FAM171A2: variants seen among roughly 807,000 people sequenced by gnomAD.
The protein encoded by FAM171A2 is family with sequence similarity 171 member A2.
A neutral mutation model predicts 34.2 loss-of-function variants in FAM171A2; 13 were observed. That is an observed-to-expected ratio of 0.38 (90% CI 0.25 to 0.60). The LOEUF is 0.60. Among genes scored for constraint, FAM171A2 ranks in the 20% least tolerant of loss-of-function variants. The pLI, the probability that FAM171A2 is intolerant of heterozygous loss-of-function variation, is 0.62. For missense variants in FAM171A2, 950 were observed against 1,180.7 expected (o/e 0.80, Z 2.86); for synonymous variants, 475 against 561.2 (o/e 0.85, Z 2.17).
rs2048403355 is a variant in FAM171A2 at position 44,353,771 on chromosome 17, G to A, written c.2443C>T (p.Arg815Trp). ...AGDKKSPWQR[R>W]EERPLMVFNV... is the part of the protein sequence containing the mutation. ...AACACCATCAGCGGCCGCTCCTCCCGCCGCTGCCACGGGCTCTTCTTGTCT... is the reference window on the plus strand; with the variant it reads ...AACACCATCAGCGGCCGCTCCTCCCACCGCTGCCACGGGCTCTTCTTGTCT... The change falls in exon 8 of 8, where the codon CGG becomes TGG. Residue 815 changes from arginine (R) to tryptophan (W), a missense_variant. Transcript: ENST00000293443. 1.4e-6 allele frequency: 2 copies of A among 1,434,910 alleles called. No individual in the cohort carries two copies. Among genetic ancestry groups the A allele is most frequent in the Admixed American group, 2.5e-5 (1 of 39,530 alleles). 88.9% of individuals were successfully genotyped at this position (1,434,910 alleles called of 1,614,324 possible).
intron 4 of FAM171A2, 29 bp from the exon 5 acceptor site, chr17:44,356,381 C>T (rs958249460): frequency 6.5e-7 from 1 of 1,545,986 alleles, no homozygotes; most frequent in African/African-American, 1.4e-5. Context: ...GGGCTGAGGG[C>T]TGATCCTGAG....
In FAM171A2 at chr17:44,354,481, T is replaced by G; in HGVS notation, c.1733A>C (p.Gln578Pro). The change falls in exon 8 of 8, where the codon CAG (glutamine) becomes CCG (proline). Residue 578 changes from glutamine to proline, a missense_variant. Transcript: ENST00000293443. This position sits in a 1 kb window ranked among gnomAD's most constrained non-coding sequence, Gnocchi z 5.8. Reference protein sequence around the residue: ...TAPGPARAFPQPDPQRPQMPG... With the variant: ...TAPGPARAFPPPDPQRPQMPG... ...CATCTGCGGGCGCTGGGGGTCGGGC[T>G]GGGGAAAAGCGCGCGCCGGGCCGGG... The G allele has an allele frequency of 9.3e-7, 1 of 1,078,062 alleles. No individual in the cohort carries two copies. The highest frequency in any genetic ancestry group is 1.1e-6 in the Non-Finnish European group (1 of 890,200). The allele number at this position is 1,078,062 out of a possible 1,614,324, so 66.8% of individuals were successfully genotyped here. A position where few individuals can be genotyped will look rare whatever the true frequency, so the allele number is the denominator to read the frequency against.
At chr17:44,362,977 A>G (rs1379327846) in intron 1 of FAM171A2, among the ~76,000 whole-genome samples, 1 of 152,108 alleles carries the variant, frequency 6.6e-6, no homozygotes, top group Non-Finnish European at 1.5e-5. Context: ...CTCGTCCTCC[A>G]TCATAGGCTC....
At position 44,355,403 on chromosome 17, in the gene FAM171A2, C is replaced by T. The variant is rs1192509903; in HGVS notation, c.1023-212G>A. ...ACTCCTCTGCATGTAGGATGTGCTG[C>T]GAGAACCAGGGATGAGCATCTAAGC... is the stretch of plus-strand genomic sequence containing the variant. On this transcript the variant is annotated intron_variant, in intron 7 of 7. Coordinates refer to ENST00000293443, the MANE Select transcript of FAM171A2 (RefSeq NM_198475.3). The surrounding 1 kb of genome is among the most constrained non-coding windows in gnomAD (Gnocchi z 4.1). 1.3e-5 allele frequency among the ~76,000 whole-genome samples: 2 copies of T among 152,214 alleles called. No homozygotes were observed. Among genetic ancestry groups the T allele is most frequent in the Non-Finnish European group, 2.9e-5 (2 of 68,042 alleles).
rs896339771 is a variant in FAM171A2, at chr17:44,354,723, G to A, written c.1491C>T (p.Asp497=). 6 of 1,331,606 alleles carry A rather than the reference G, an allele frequency of 4.5e-6. No individual in the cohort carries two copies. The highest frequency in any genetic ancestry group is 5.8e-6 in the Non-Finnish European group (6 of 1,039,290). The allele number at this position is 1,331,606 out of a possible 1,614,324, so 82.5% of individuals were successfully genotyped here. The stretch of plus-strand genomic sequence containing the variant: ...GGTCCACCGACTGCGACAGCAGGAA[G>A]TCGGGGGTCTTGCCCTCGGCCGCCC... ...HKGAAEGKTP[D]FLLSQSVDQL... Residue 497 remains aspartate (D), a synonymous_variant, in exon 8 of 8, where the codon GAC becomes GAT. Transcript: ENST00000293443. This position sits in a 1 kb window ranked among gnomAD's most constrained non-coding sequence, Gnocchi z 5.8.
intron 3 of FAM171A2, chr17:44,359,291 AGGTGGCAGGG>A: frequency 2.4e-6 from 1 of 424,478 alleles, no homozygotes; most frequent in Non-Finnish European, 4.4e-6. Context: ...TTGAAGATAA[AGGTGGCAGGG>A]AAGGTAGGAA....
Position 44,354,772 on chromosome 17 carries a change from AAGGGCGGCGGCGGCG to A in FAM171A2, c.1427_1441del (p.Ser476_Pro480del). ...CCCCTTGTGGCCCAGGTAGTGGTCG[AAGGGCGGCGGCGGCG>A]AGGGCGGCTCGTGCAGGAAGGCCGC... On this transcript the variant is annotated inframe_deletion, in exon 8 of 8. Transcript: ENST00000293443. This position sits in a 1 kb window ranked among gnomAD's most constrained non-coding sequence, Gnocchi z 5.8. 2 of 1,303,498 alleles carry A rather than the reference AAGGGCGGCGGCGGCG, an allele frequency of 1.5e-6. No individual in the cohort carries two copies. Among genetic ancestry groups the A allele is most frequent in the Non-Finnish European group, 1.9e-6 (2 of 1,025,710 alleles). 80.7% of individuals were successfully genotyped at this position (1,303,498 alleles called of 1,614,324 possible).
intron 1 of FAM171A2, among the ~76,000 whole-genome samples, chr17:44,362,420 G>A (rs2048451670): frequency 6.6e-6 from 1 of 152,142 alleles, no homozygotes; most frequent in Non-Finnish European, 1.5e-5. Context: ...CAGTCCAGGA[G>A]GAAATCCGAC....
In FAM171A2 at chr17:44,354,652, A is replaced by G; in HGVS notation, c.1562T>C (p.Phe521Ser). The G allele has an allele frequency of 7.7e-7, 1 of 1,303,364 alleles. No homozygotes were observed. Among genetic ancestry groups the G allele is most frequent in the Non-Finnish European group, 9.8e-7 (1 of 1,025,030 alleles). 80.7% of individuals were successfully genotyped at this position (1,303,364 alleles called of 1,614,324 possible). A position where few individuals can be genotyped will look rare whatever the true frequency, so the allele number is the denominator to read the frequency against. ...CTTGAGGTGGTCGATGGAGCCGCAG[A>G]AGATGAGCTGCCCCGCCTGGCCCAG... ...PSLGQAGQLI[F>S]CGSIDHLKDN... The change falls in exon 8 of 8, where the codon TTC becomes TCC. Residue 521 changes from phenylalanine to serine, a missense_variant. Phe to Ser is a radical substitution (Grantham distance 155). Transcript: ENST00000293443. This position sits in a 1 kb window ranked among gnomAD's most constrained non-coding sequence, Gnocchi z 5.8.
Position 44,354,250 on chromosome 17 carries a change from A to G in FAM171A2, c.1964T>C (p.Phe655Ser). The G allele has an allele frequency of 6.9e-7, 1 of 1,454,552 alleles. No individual in the cohort carries two copies. Among genetic ancestry groups the G allele is most frequent in the East Asian group, 2.9e-5 (1 of 34,186 alleles). The allele number at this position is 1,454,552 out of a possible 1,614,324, so 90.1% of individuals were successfully genotyped here. Residue 655 changes from phenylalanine (F) to serine (S), a missense_variant, in exon 8 of 8, where the codon TTC (phenylalanine) becomes TCC (serine). Transcript: ENST00000293443. This position sits in a 1 kb window ranked among gnomAD's most constrained non-coding sequence, Gnocchi z 5.8. ...GTTGGAGCGCCCGTCGAGGGACACG[A>G]ACCAGGCGCGCGGGTGCGGCTTCAC... Reference protein sequence around the residue: ...LGVKPHPRAWFVSLDGRSNSQ... With the variant: ...LGVKPHPRAWSVSLDGRSNSQ...
At chr17:44,361,158 C>T (rs1160476589) in intron 1 of FAM171A2, among the ~76,000 whole-genome samples, 1 of 152,246 alleles carries the variant, frequency 6.6e-6, no homozygotes, top group Non-Finnish European at 1.5e-5. Flanking sequence ...GGCCATCAGG[C>T]AGGCGTCCTG....
rs200661205 is a variant in FAM171A2 at position 44,360,078 on chromosome 17, C to G, written c.173G>C (p.Arg58Pro). Residue 58 changes from arginine to proline, a missense_variant, in exon 2 of 8, where the codon CGG becomes CCG. Physicochemically the swap from Arg to Pro is moderately radical, Grantham distance 103. This residue lies in a region of FAM171A2 where 752 missense variants were observed against 924.5 expected (regional missense o/e 0.81). Coordinates refer to ENST00000293443, the MANE Select transcript of FAM171A2 (RefSeq NM_198475.3). ...YVSGELVPLA[R>P]ASVDVFGNRT... ...GTTCCCAAACACATCCACTGAGGCC[C>G]GGGCCAGGGGCACCAGCTCCCCGCT... 1 of 1,551,714 alleles carries G rather than the reference C, an allele frequency of 6.4e-7. No homozygotes were observed. Among genetic ancestry groups the G allele is most frequent in the Admixed American group, 2.0e-5 (1 of 51,006 alleles).
rs2048410576 is a variant in FAM171A2, at chr17:44,354,511, G to C, written c.1703C>G (p.Thr568Arg). 5.3e-6 allele frequency: 6 copies of C among 1,123,468 alleles called. No homozygotes were observed. In the South Asian group the frequency reaches 2.6e-4, roughly 48 times the overall value. 69.6% of individuals were successfully genotyped at this position (1,123,468 alleles called of 1,614,324 possible). Residue 568 changes from threonine (T) to arginine (R), a missense_variant, in exon 8 of 8, where the codon ACG (threonine) becomes AGG (arginine). Thr to Arg is a moderately conservative substitution (Grantham distance 71). This residue lies in a region of FAM171A2 where 752 missense variants were observed against 924.5 expected (regional missense o/e 0.81). Transcript: ENST00000293443. The surrounding 1 kb of genome is among the most constrained non-coding windows in gnomAD (Gnocchi z 5.8). ...VGDEPAPPEG[T>R]APGPARAFPQ... ...AAAAGCGCGCGCCGGGCCGGGTGCC[G>C]TGCCCTCCGGCGGGGCCGGCTCGTC...
At chr17:44,359,092 G>C (rs1402587895) in intron 3 of FAM171A2, 1 of 159,706 alleles carries the variant, frequency 6.3e-6, no homozygotes, top group Non-Finnish European at 1.4e-5. Context: ...GCAAAGAGCG[G>C]GTCTTCTTCC....
chr17:44,362,829 G>T (rs1291299059), intron 1 of FAM171A2, among the ~76,000 whole-genome samples: 1 of 152,102 alleles, frequency 6.6e-6, no homozygotes, highest in Non-Finnish European at 1.5e-5. Context: ...GAATGGGGGG[G>T]GACCCAGGCA....
intron 1 of FAM171A2, among the ~76,000 whole-genome samples, chr17:44,362,972 C>T (rs1440581734): frequency 6.6e-6 from 1 of 152,200 alleles, no homozygotes; most frequent in East Asian, 1.9e-4. Flanking sequence ...TGCGGCTCGT[C>T]CTCCATCATA....
At chr17:44,361,454 T>C (rs1242117089) in intron 1 of FAM171A2, among the ~76,000 whole-genome samples, 1 of 150,650 alleles carries the variant, frequency 6.6e-6, no homozygotes, top group African/African-American at 2.4e-5. Flanking sequence ...CCTGGGGAGG[T>C]CAGGGTGCTG....
chr17:44,358,723 T>G (rs1423867475), intron 3 of FAM171A2, among the ~76,000 whole-genome samples: 1 of 151,514 alleles, frequency 6.6e-6, no homozygotes, highest in Non-Finnish European at 1.5e-5. Context: ...AAAAACTAGC[T>G]CCATGACAAG....
At position 44,354,575 on chromosome 17, in the gene FAM171A2, C is replaced by A; in HGVS notation, c.1639G>T (p.Val547Leu). Reference protein sequence around the residue: ...MPTLVIPAHYVRLGGEAGAAG... With the variant: ...MPTLVIPAHYLRLGGEAGAAG... ...GCGCCCGCCTCGCCGCCGAGGCGCA[C>A]GTAGTGCGCGGGGATCACCAGGGTG... Residue 547 changes from valine to leucine, a missense_variant, in exon 8 of 8, where the codon GTG (valine) becomes TTG (leucine). Physicochemically the swap from Val to Leu is conservative, Grantham distance 32. Around this residue, in one of 3 missense-constraint regions of FAM171A2, gnomAD observed 752 missense variants for 924.5 expected, o/e 0.81. Transcript: ENST00000293443. The surrounding 1 kb of genome is among the most constrained non-coding windows in gnomAD (Gnocchi z 5.8). 2.5e-6 allele frequency: 3 copies of A among 1,219,988 alleles called. No individual in the cohort carries two copies. Among genetic ancestry groups the A allele is most frequent in the Non-Finnish European group, 3.1e-6 (3 of 979,438 alleles). The allele number at this position is 1,219,988 out of a possible 1,614,324, so 75.6% of individuals were successfully genotyped here. A position where few individuals can be genotyped will look rare whatever the true frequency, so the allele number is the denominator to read the frequency against.
Sources: gnomAD v4.1 joint callset for allele counts (sites outside exome capture counted in the v4.1 genomes callset) on GRCh38, gnomAD v4.1.1 for gene constraint, gnomAD v4.1.1 regional missense constraint, Gnocchi (gnomAD v3.1) non-coding constraint, MANE v1.5 for transcripts, NCBI Gene and HGNC (gene_info 2026-07-23, HGNC 2026-07-21) for gene names.